Variants in TXNDC8 observed in about 807,000 individuals in gnomAD.
TXNDC8 encodes thioredoxin domain-containing protein 8.
Under a neutral mutation model 12.9 loss-of-function variants are expected in TXNDC8, and 15 were observed. The ratio of observed to expected loss-of-function variants is 1.16; its 90% CI spans 0.78 to 1.79. The LOEUF (loss-of-function observed/expected upper bound fraction) is 1.79. Ranked by LOEUF, TXNDC8 falls within the 40% of genes most tolerant of loss-of-function variation. The pLI is 0.00. For missense variants in TXNDC8, 128 were observed against 113.2 expected (o/e 1.13, Z -0.59); for synonymous variants, 40 against 35.4 (o/e 1.13, Z -0.46).
At chr9:110,331,148 A>T (rs1441446173) in intron 2 of TXNDC8, among the ~76,000 whole-genome samples, 1 of 152,244 alleles carries the variant, frequency 6.6e-6, no homozygotes, top group African/African-American at 2.4e-5. Context: ...AGTCAGATGC[A>T]TGCCAGTGTA....
At chr9:110,307,213 A>G (rs1838503555) in intron 3 of TXNDC8, among the ~76,000 whole-genome samples, 1 of 151,692 alleles carries the variant, frequency 6.6e-6, no homozygotes, top group Middle Eastern at 3.4e-3. Flanking sequence ...CTCCCCTCCC[A>G]AAGTGCTGGG....
rs138499597 is a variant in TXNDC8 at position 110,306,138 on chromosome 9, A to T, written c.196-1606T>A. Among the ~76,000 whole-genome samples, 1,326 of 152,284 alleles carry T rather than the reference A, an allele frequency of 8.7e-3. 22 individuals are homozygous for T. Among genetic ancestry groups the T allele is most frequent in the African/African-American group, 0.03 (1,250 of 41,546 alleles). ...CATCTCAGCCTCCCAAGGTGCTGGG[A>T]TTACAGGTGTGAGCCACCATGCCTG... On this transcript the variant is annotated intron_variant, in intron 3 of 4. Coordinates refer to ENST00000423740, the MANE Select transcript of TXNDC8 (RefSeq NM_001286946.2).
chr9:110,336,079 G>A (rs1839747312), intron 1 of TXNDC8, among the ~76,000 whole-genome samples: 1 of 152,220 alleles, frequency 6.6e-6, no homozygotes, highest in Non-Finnish European at 1.5e-5. Flanking sequence ...TGTCTTGCCT[G>A]CCGCCATGTC....
intron 2 of TXNDC8, among the ~76,000 whole-genome samples, chr9:110,327,650 A>G (rs1839386773): frequency 6.6e-6 from 1 of 152,146 alleles, no homozygotes; most frequent in Admixed American, 6.5e-5. Context: ...TATAATATGA[A>G]TGCACCTTGA....
chr9:110,329,357 G>A, intron 2 of TXNDC8, 66 bp from the exon 3 acceptor site: 4 of 1,288,178 alleles, frequency 3.1e-6, no homozygotes, highest in Non-Finnish European at 4.3e-6. Flanking sequence ...CACTGGAAGT[G>A]TCTTTTCAGT....
At chr9:110,319,898 A>T (rs1839027459) in intron 3 of TXNDC8, among the ~76,000 whole-genome samples, 1 of 152,198 alleles carries the variant, frequency 6.6e-6, no homozygotes, top group Non-Finnish European at 1.5e-5. Context: ...TCTCAGCAAG[A>T]GCCCTACAGT....
At chr9:110,319,205 C>T (rs1476322554) in intron 3 of TXNDC8, among the ~76,000 whole-genome samples, 2 of 152,204 alleles carry the variant, frequency 1.3e-5, no homozygotes, top group Non-Finnish European at 2.9e-5. Context: ...TGCAGAACAT[C>T]TCTGTGTGTA....
intron 3 of TXNDC8, among the ~76,000 whole-genome samples, chr9:110,320,847 T>C (rs1278001110): frequency 1.3e-5 from 2 of 152,188 alleles, no homozygotes; most frequent in Non-Finnish European, 2.9e-5. Context: ...TCCTGAAACA[T>C]GGTGTGATGT....
intron 3 of TXNDC8, among the ~76,000 whole-genome samples, chr9:110,308,069 T>C (rs1838528509): frequency 6.6e-6 from 1 of 152,244 alleles, no homozygotes; most frequent in South Asian, 2.1e-4. Context: ...AAATCTCCTG[T>C]TGGTGCTTGA....
intron 2 of TXNDC8, chr9:110,329,274 G>A (rs1278295305): frequency 6.2e-7 from 1 of 1,609,902 alleles, no homozygotes; most frequent in Admixed American, 1.7e-5. Context: ...ATACATTTTG[G>A]TATTTCACAG....
intron 3 of TXNDC8, among the ~76,000 whole-genome samples, chr9:110,314,521 C>T (rs1347529893): frequency 6.6e-6 from 1 of 151,076 alleles, no homozygotes; most frequent in Non-Finnish European, 1.5e-5. Context: ...CAAGCTCCGC[C>T]TCCTGGGTTC....
chr9:110,335,911 C>A (rs1839733301), intron 1 of TXNDC8, among the ~76,000 whole-genome samples: 1 of 152,192 alleles, frequency 6.6e-6, no homozygotes, highest in Non-Finnish European at 1.5e-5. Context: ...CAAATCTCAT[C>A]TTGAATTGTA....
rs530133625 is a variant in TXNDC8, at chr9:110,329,776, T to A, written c.130-3536A>T. On this transcript the variant is annotated intron_variant, in intron 2 of 4. Transcript: ENST00000423740. ...GTTCTGCTTGAAGCGATGTCAACAT[T>A]TTAATGCTGACCATTAGCCTAATTT... 2.6e-5 allele frequency among the ~76,000 whole-genome samples: 4 copies of A among 152,186 alleles called. No individual in the cohort carries two copies. In the South Asian group the frequency reaches 6.2e-4, roughly 24 times the overall value.
At chr9:110,316,532 T>G (rs749433482) in intron 3 of TXNDC8, among the ~76,000 whole-genome samples, 2 of 152,152 alleles carry the variant, frequency 1.3e-5, no homozygotes, top group Non-Finnish European at 2.9e-5. Context: ...TTGATTAAAG[T>G]TTTTGGAGGA....
chr9:110,312,203 T>TA (rs1281761207), intron 3 of TXNDC8, among the ~76,000 whole-genome samples: 3 of 152,348 alleles, frequency 2.0e-5, no homozygotes, highest in Middle Eastern at 3.4e-3. Context: ...ATTTGGAGCA[T>TA]ATTTGTTTCT....
chr9:110,337,292 A>C (rs1839791977), intron 1 of TXNDC8, among the ~76,000 whole-genome samples: 1 of 152,202 alleles, frequency 6.6e-6, no homozygotes, highest in South Asian at 2.1e-4. Flanking sequence ...CTCCTTTATA[A>C]ATCAAGAATT....
At chr9:110,319,597 C>A (rs1486079692) in intron 3 of TXNDC8, among the ~76,000 whole-genome samples, 1 of 152,214 alleles carries the variant, frequency 6.6e-6, no homozygotes, top group African/African-American at 2.4e-5. Flanking sequence ...AGTTGTCTGA[C>A]TCTATAGATG....
intron 2 of TXNDC8, among the ~76,000 whole-genome samples, chr9:110,330,673 C>T (rs1040916949): frequency 4.6e-5 from 7 of 152,342 alleles, no homozygotes; most frequent in East Asian, 1.9e-4. Flanking sequence ...ATCCATCCCT[C>T]TACCTGTTCT....
chr9:110,315,906 CTTTTTT>C (rs958796135), intron 3 of TXNDC8, among the ~76,000 whole-genome samples: 2 of 149,762 alleles, frequency 1.3e-5, no homozygotes, highest in African/African-American at 2.5e-5. Flanking sequence ...TTTCTTTTTT[CTTTTTT>C]TTTGAGACAG....
Sources: gnomAD v4.1 joint callset for allele counts (sites outside exome capture counted in the v4.1 genomes callset) on GRCh38, gnomAD v4.1.1 for gene constraint, MANE v1.5 for transcripts, NCBI Gene and HGNC (gene_info 2026-07-23, HGNC 2026-07-21) for gene names.